CAPN9: variants seen among roughly 807,000 people sequenced by gnomAD.
The protein encoded by CAPN9 is calpain 9.
CAPN9 carries 81 observed loss-of-function variants against 92.8 expected under a neutral mutation model. The observed-to-expected ratio is 0.87, with a 90% confidence interval of 0.73 to 1.05. CAPN9 has a LOEUF of 1.05. CAPN9 is among the 50% of genes least tolerant of loss of function. The pLI is 0.00. For synonymous variants in CAPN9, 304 were observed against 328.0 expected, an observed-to-expected ratio of 0.93 and a Z score of 0.79; for missense variants, 848 against 866.2, an observed-to-expected ratio of 0.98 and a Z score of 0.26.
intron 19 of CAPN9, among the ~76,000 whole-genome samples, chr1:230,798,899 C>T (rs1224827023): frequency 1.3e-5 from 2 of 152,204 alleles, no homozygotes; most frequent in African/African-American, 4.8e-5. Context: ...TCACAGGACC[C>T]CACTGATTCC....
chr1:230,790,475 G>A, intron 14 of CAPN9: 1 of 183,984 alleles, frequency 5.4e-6, no homozygotes, highest in Non-Finnish European at 1.0e-5. Context: ...CTGCATGTAT[G>A]TACATGTGTG....
At chr1:230,762,242 G>A (rs1317306904) in intron 3 of CAPN9, among the ~76,000 whole-genome samples, 1 of 152,178 alleles carries the variant, frequency 6.6e-6, no homozygotes. Context: ...GAAACTGGAT[G>A]GGAGAGAATA....
intron 11 of CAPN9, among the ~76,000 whole-genome samples, chr1:230,784,531 G>C (rs1341755491): frequency 6.6e-6 from 1 of 152,196 alleles, no homozygotes; most frequent in African/African-American, 2.4e-5. Flanking sequence ...CTGCTCAAAG[G>C]CACCAGATAC....
Position 230,792,453 on chromosome 1 carries a change from G to A in CAPN9, c.1750G>A (p.Asp584Asn), listed in dbSNP as rs768838534. 8.7e-6 allele frequency: 14 copies of A among 1,613,986 alleles called. No individual in the cohort carries two copies. Among genetic ancestry groups the A allele is most frequent in the Middle Eastern group, 3.3e-4 (2 of 6,082 alleles). Residue 584 changes from aspartate to asparagine, a missense_variant, in exon 16 of 20, where the codon GAT (aspartate) becomes AAT (asparagine). By Grantham distance (23) the Asp-to-Asn change is conservative. Coordinates refer to ENST00000271971, the MANE Select transcript of CAPN9 (RefSeq NM_006615.3). ...DTSGNGKLEF[D>N]EFKVFWDKLK... ...CAGCGGCAATGGGAAGCTGGAGTTTGATGAATTCAAAGTGTTCTGGGACAA... is the reference window on the plus strand; with the variant it reads ...CAGCGGCAATGGGAAGCTGGAGTTTAATGAATTCAAAGTGTTCTGGGACAA...
At chr1:230,780,149 G>A in intron 9 of CAPN9, 30 bp from the exon 10 acceptor site, 2 of 1,586,406 alleles carry the variant, frequency 1.3e-6, no homozygotes, top group South Asian at 2.3e-5. Context: ...TTTTAAAAGG[G>A]GAAAATAATC....
intron 18 of CAPN9, among the ~76,000 whole-genome samples, chr1:230,795,707 A>C (rs755114651): frequency 1.3e-5 from 2 of 151,782 alleles, no homozygotes; most frequent in Non-Finnish European, 2.9e-5. Context: ...ATAGAGAGGG[A>C]TTATGTGCCC....
intron 3 of CAPN9, 67 bp from the exon 4 acceptor site, chr1:230,762,586 T>G: frequency 1.3e-6 from 2 of 1,573,074 alleles, no homozygotes; most frequent in South Asian, 2.3e-5. Flanking sequence ...GATCAACATT[T>G]ACAAACAGGG....
chr1:230,797,205 C>T (rs1668413103), intron 18 of CAPN9, among the ~76,000 whole-genome samples: 1 of 152,148 alleles, frequency 6.6e-6, no homozygotes, highest in South Asian at 2.1e-4. Flanking sequence ...CCTTTACACC[C>T]AACCTCAACA....
intron 3 of CAPN9, among the ~76,000 whole-genome samples, chr1:230,761,352 C>A (rs1007229321): frequency 2.0e-5 from 3 of 152,164 alleles, no homozygotes; most frequent in Non-Finnish European, 4.4e-5. Flanking sequence ...CACAGGCCCC[C>A]TGAGCCAGCC....
chr1:230,784,788 GCA>G (rs1423014921), intron 11 of CAPN9, among the ~76,000 whole-genome samples: 3 of 152,244 alleles, frequency 2.0e-5, no homozygotes, highest in East Asian at 3.8e-4. Flanking sequence ...TCAAGGTCTC[GCA>G]CAGAGTCCCC....
intron 15 of CAPN9, 37 bp downstream of exon 15, chr1:230,791,965 A>C: frequency 6.8e-7 from 1 of 1,471,328 alleles, no homozygotes. Context: ...ATAGACATGG[A>C]TCCTGGGCTT....
chr1:230,763,342 T>C (rs921436153), intron 4 of CAPN9, among the ~76,000 whole-genome samples: 9 of 152,200 alleles, frequency 5.9e-5, no homozygotes, highest in Non-Finnish European at 1.3e-4. Context: ...ACGATCTATC[T>C]CCAGCACTTT....
intron 4 of CAPN9, among the ~76,000 whole-genome samples, chr1:230,765,786 G>A (rs1193197168): frequency 6.6e-6 from 1 of 152,212 alleles, no homozygotes; most frequent in East Asian, 1.9e-4. Flanking sequence ...CATATATCCT[G>A]TGTAGAATAA....
At chr1:230,776,500 CAT>C (rs1666790057) in intron 8 of CAPN9, 1 of 152,230 alleles carries the variant, frequency 6.6e-6, no homozygotes. Context: ...CAACTGCTAA[CAT>C]ATTTTAGAAT....
At chr1:230,781,016 C>G (rs748953047) in intron 11 of CAPN9, among the ~76,000 whole-genome samples, 2 of 152,088 alleles carry the variant, frequency 1.3e-5, no homozygotes, top group Non-Finnish European at 2.9e-5. Flanking sequence ...CAGGCACCCA[C>G]CACCACACCT....
chr1:230,749,777 G>A (rs1351109201), intron 1 of CAPN9, among the ~76,000 whole-genome samples: 1 of 152,128 alleles, frequency 6.6e-6, no homozygotes, highest in African/African-American at 2.4e-5. Flanking sequence ...AGAGCACTTA[G>A]CAAAGAGCCT....
At chr1:230,768,496 G>A (rs1361855565) in intron 5 of CAPN9, among the ~76,000 whole-genome samples, 2 of 150,128 alleles carry the variant, frequency 1.3e-5, no homozygotes, top group Non-Finnish European at 2.9e-5. Flanking sequence ...AGGTCAGTTG[G>A]TTTGATTTTA....
chr1:230,759,271 T>G (rs746942994), intron 2 of CAPN9, among the ~76,000 whole-genome samples: 16 of 152,228 alleles, frequency 1.1e-4, no homozygotes, highest in Non-Finnish European at 1.9e-4. Context: ...GAAACCCAAG[T>G]AAGCATGTCC....
chr1:230,755,528 G>A (rs937795966), intron 2 of CAPN9, 122 bp downstream of exon 2: 16 of 670,920 alleles, frequency 2.4e-5, no homozygotes, highest in Admixed American at 6.6e-5. Flanking sequence ...ACACTGCTTC[G>A]GCCTCTGCTT....
Sources: gnomAD v4.1 joint callset for allele counts (sites outside exome capture counted in the v4.1 genomes callset) on GRCh38, gnomAD v4.1.1 for gene constraint, MANE v1.5 for transcripts, NCBI Gene and HGNC (gene_info 2026-07-23, HGNC 2026-07-21) for gene names.